The following GALNT11 variants were observed in gnomAD, a reference collection of about 807,000 sequenced individuals.
GALNT11 encodes polypeptide N-acetylgalactosaminyltransferase 11, also known as UDP-GalNAc:polypeptide N-acetylgalactosaminyltransferase 11.
A neutral mutation model predicts 72.7 loss-of-function variants in GALNT11; 47 were observed. The ratio of observed to expected loss-of-function variants is 0.65; its 90% CI spans 0.51 to 0.82. The LOEUF (loss-of-function observed/expected upper bound fraction) is 0.82, where lower values mean the gene tolerates loss of function less well. GALNT11 is among the 40% of genes least tolerant of loss of function. The pLI, the probability that GALNT11 is intolerant of heterozygous loss-of-function variation, is 0.00. For synonymous variants in GALNT11, 270 were observed against 286.6 expected (o/e 0.94, Z 0.58); for missense variants, 677 against 778.4 (o/e 0.87, Z 1.55).
In GALNT11 at chr7:152,121,839, G is replaced by A. The variant is rs1240617591; in HGVS notation, c.*162G>A. On this transcript the variant is annotated 3_prime_UTR_variant, in exon 12 of 12. Coordinates refer to ENST00000430044, the MANE Select transcript of GALNT11 (RefSeq NM_022087.4). ...CTGGGTGTGTTAGCAGAGGTGACAC[G>A]TGTCTGACAGAGACGGGAGCTCTGA... The A allele has an allele frequency of 9.9e-6, 8 of 806,736 alleles. No individual in the cohort carries two copies. The highest frequency in any genetic ancestry group is 6.0e-5 in the South Asian group (3 of 49,718). 50.0% of individuals were successfully genotyped at this position (806,736 alleles called of 1,614,324 possible).
intron 1 of GALNT11, among the ~76,000 whole-genome samples, chr7:152,059,990 C>T (rs2083908249): frequency 6.6e-6 from 1 of 152,014 alleles, no homozygotes; most frequent in Non-Finnish European, 1.5e-5. Flanking sequence ...GCTGTTTAGT[C>T]TGCATTGAAA....
intron 1 of GALNT11, among the ~76,000 whole-genome samples, chr7:152,082,445 G>A (rs1354278789): frequency 6.6e-6 from 1 of 152,168 alleles, no homozygotes; most frequent in Non-Finnish European, 1.5e-5. Context: ...CTTTTTAAAA[G>A]AGGCAAAGGC....
intron 1 of GALNT11, among the ~76,000 whole-genome samples, chr7:152,035,052 C>T (rs2082495980): frequency 6.6e-6 from 1 of 152,134 alleles, no homozygotes; most frequent in Non-Finnish European, 1.5e-5. Flanking sequence ...GAGGGATCTC[C>T]AGAGTTGGAA....
chr7:152,050,334 C>T (rs1159054623), intron 1 of GALNT11, among the ~76,000 whole-genome samples: 1 of 152,120 alleles, frequency 6.6e-6, no homozygotes, highest in African/African-American at 2.4e-5. Flanking sequence ...GGTGATAAAT[C>T]CTGCCAGTAC....
chr7:152,084,352 C>T (rs1010353238), intron 1 of GALNT11, among the ~76,000 whole-genome samples: 5 of 140,240 alleles, frequency 3.6e-5, no homozygotes, highest in East Asian at 2.1e-4. Flanking sequence ...GAGTCTAGCC[C>T]GGGCAACAGA....
At chr7:152,027,032 G>A (rs953563832) in intron 1 of GALNT11, among the ~76,000 whole-genome samples, 5 of 152,150 alleles carry the variant, frequency 3.3e-5, no homozygotes, top group Non-Finnish European at 5.9e-5. Context: ...AGCGGATCAC[G>A]AGGTCAGGAG....
At chr7:152,056,234 A>G (rs937748571) in intron 1 of GALNT11, among the ~76,000 whole-genome samples, 4 of 152,184 alleles carry the variant, frequency 2.6e-5, no homozygotes, top group African/African-American at 9.7e-5. Flanking sequence ...ACTTGGCACT[A>G]TGGACATTTG....
At chr7:152,030,582 G>A (rs1371502306) in intron 1 of GALNT11, among the ~76,000 whole-genome samples, 2 of 152,076 alleles carry the variant, frequency 1.3e-5, no homozygotes, top group Admixed American at 1.3e-4. Context: ...CACCTGGGTG[G>A]CTTGCCGCCC....
At chr7:152,111,077 A>G (rs548217431) in intron 7 of GALNT11, among the ~76,000 whole-genome samples, 40 of 152,298 alleles carry the variant, frequency 2.6e-4, no homozygotes, top group Non-Finnish European at 4.6e-4. Flanking sequence ...CGAAATGTCA[A>G]GAGTATACAT....
At chr7:152,115,896 A>C (rs1409406530) in intron 8 of GALNT11, among the ~76,000 whole-genome samples, 2 of 152,208 alleles carry the variant, frequency 1.3e-5, no homozygotes, top group African/African-American at 4.8e-5. Context: ...ATCTCTACTA[A>C]AAATACAAAA....
chr7:152,066,030 C>T (rs2084287045), intron 1 of GALNT11, among the ~76,000 whole-genome samples: 1 of 152,224 alleles, frequency 6.6e-6, no homozygotes, highest in Non-Finnish European at 1.5e-5. Context: ...CTACGCCCTG[C>T]CCCCAGAGGT....
intron 1 of GALNT11, among the ~76,000 whole-genome samples, chr7:152,029,056 G>A (rs1161784086): frequency 2.6e-5 from 4 of 152,176 alleles, no homozygotes; most frequent in Admixed American, 6.5e-5. Flanking sequence ...TTTGAAAGGC[G>A]TCTGATTTCA....
At chr7:152,088,219 T>G (rs1023543974) in intron 1 of GALNT11, among the ~76,000 whole-genome samples, 2 of 152,228 alleles carry the variant, frequency 1.3e-5, no homozygotes, top group Non-Finnish European at 2.9e-5. Context: ...TTGTCTTTTA[T>G]TTTTAAAGAA....
intron 10 of GALNT11, 141 bp downstream of exon 10, chr7:152,118,923 T>C (rs916487094): frequency 1.5e-5 from 9 of 586,124 alleles, no homozygotes; most frequent in Non-Finnish European, 2.3e-5. Flanking sequence ...GTTGCGTTAT[T>C]GGAACGCTAA....
At chr7:152,027,021 G>A (rs566844240) in intron 1 of GALNT11, among the ~76,000 whole-genome samples, 2 of 152,264 alleles carry the variant, frequency 1.3e-5, no homozygotes, top group Admixed American at 6.5e-5. Flanking sequence ...AGGCCAAGGC[G>A]AGCGGATCAC....
intron 2 of GALNT11, among the ~76,000 whole-genome samples, chr7:152,095,530 A>G (rs1435812577): frequency 6.6e-6 from 1 of 152,202 alleles, no homozygotes; most frequent in African/African-American, 2.4e-5. Flanking sequence ...AGTCAAAAGT[A>G]TGTAAAATTT....
chr7:152,100,849 A>G lies in GALNT11; in HGVS notation c.347A>G (p.Lys116Arg), dbSNP rs773367690. ...GAGTTGAGAGACTTGGGCTATCAGA[A>G]ACATGCTTTTAATATGCTTATCAGT... ...DQELRDLGYQKHAFNMLISDR... is the reference protein window; with the variant it reads ...DQELRDLGYQRHAFNMLISDR... Residue 116 changes from lysine to arginine, a missense_variant, in exon 3 of 12, where the codon AAA becomes AGA. Lys to Arg is a conservative substitution (Grantham distance 26). Coordinates refer to ENST00000430044, the MANE Select transcript of GALNT11 (RefSeq NM_022087.4). The G allele has an allele frequency of 5.6e-5, 91 of 1,613,958 alleles. No individual in the cohort carries two copies. The highest frequency in any genetic ancestry group is 6.7e-5 in the Non-Finnish European group (79 of 1,179,990).
chr7:152,090,031 G>A (rs144296935), intron 1 of GALNT11, among the ~76,000 whole-genome samples: 2 of 152,282 alleles, frequency 1.3e-5, no homozygotes, highest in African/African-American at 4.8e-5. Flanking sequence ...GGCCCTTCCA[G>A]TTCCCATTAT....
At chr7:152,095,500 A>G (rs2129039975) in intron 2 of GALNT11, among the ~76,000 whole-genome samples, 1 of 152,320 alleles carries the variant, frequency 6.6e-6, no homozygotes. Flanking sequence ...CTTAGGACTT[A>G]ATGATTTTCT....
Sources: allele counts gnomAD v4.1 joint callset (sites outside exome capture counted in the v4.1 genomes callset), GRCh38; gene constraint gnomAD v4.1.1; transcripts MANE v1.5; gene names NCBI Gene and HGNC (gene_info 2026-07-23, HGNC 2026-07-21).